AVEN: variants seen among roughly 807,000 people sequenced by gnomAD.
The protein encoded by AVEN is apoptosis and caspase activation inhibitor.
Under a neutral mutation model 38.1 loss-of-function variants are expected in AVEN, and 41 were observed. The observed-to-expected ratio is 1.08, with a 90% CI of 0.84 to 1.40. The LOEUF is 1.40. Ranked by LOEUF, AVEN falls within the 40% of genes most tolerant of loss-of-function variation. The pLI, the probability that AVEN is intolerant of heterozygous loss-of-function variation, is 0.00. For synonymous variants in AVEN, 206 were observed against 171.8 expected, an observed-to-expected ratio of 1.20 and a Z score of -1.56; for missense variants, 605 against 438.8, an observed-to-expected ratio of 1.38 and a Z score of -3.38.
intron 1 of AVEN, among the ~76,000 whole-genome samples, chr15:34,029,356 T>C (rs1444411795): frequency 6.6e-6 from 1 of 152,106 alleles, no homozygotes; most frequent in Non-Finnish European, 1.5e-5. Context: ...AATAATTCCC[T>C]TGGCTGACTA....
chr15:33,937,482 G>A (rs963785847), intron 2 of AVEN, among the ~76,000 whole-genome samples: 1 of 149,106 alleles, frequency 6.7e-6, no homozygotes, highest in South Asian at 2.1e-4. Context: ...GCAGTGAGCC[G>A]AGATCACGCC....
intron 5 of AVEN, among the ~76,000 whole-genome samples, chr15:34,054,028 A>G (rs1900040170): frequency 6.6e-6 from 1 of 152,334 alleles, no homozygotes; most frequent in African/African-American, 2.4e-5. Flanking sequence ...CTGTATGAAC[A>G]AACACTTCTC....
At chr15:33,927,070 C>T (rs980667177) in intron 2 of AVEN, among the ~76,000 whole-genome samples, 1 of 151,956 alleles carries the variant, frequency 6.6e-6, no homozygotes, top group Non-Finnish European at 1.5e-5. Context: ...CTGGCTAACA[C>T]GGTGAAACCC....
chr15:33,860,810 T>C (rs930980061), intron 11 of AVEN, among the ~76,000 whole-genome samples: 3 of 150,602 alleles, frequency 2.0e-5, no homozygotes, highest in Non-Finnish European at 4.4e-5. Context: ...CACCCTGCCA[T>C]ACCCCTGCCA....
At chr15:33,913,982 T>A (rs1881572284) in intron 2 of AVEN, among the ~76,000 whole-genome samples, 1 of 152,134 alleles carries the variant, frequency 6.6e-6, no homozygotes, top group Non-Finnish European at 1.5e-5. Context: ...AGACAACTGA[T>A]CATGTAAGCA....
intron 1 of AVEN, chr15:34,007,145 T>A (rs922443747): frequency 1.5e-6 from 1 of 664,852 alleles, no homozygotes; most frequent in Non-Finnish European, 1.9e-6. Flanking sequence ...ACTGCCGAGC[T>A]ATTATCTTGT....
intron 2 of AVEN, among the ~76,000 whole-genome samples, chr15:33,881,375 G>A (rs932132091): frequency 2.6e-5 from 4 of 151,452 alleles, no homozygotes; most frequent in Non-Finnish European, 4.4e-5. Context: ...ATGAGACACT[G>A]CATGTGGCCT....
At chr15:34,013,590 G>A (rs1897731447) in intron 1 of AVEN, among the ~76,000 whole-genome samples, 1 of 152,186 alleles carries the variant, frequency 6.6e-6, no homozygotes, top group African/African-American at 2.4e-5. Context: ...CAGGCATTGG[G>A]AATACAAAGA....
chr15:33,962,438 A>C (rs1042619213), intron 2 of AVEN, among the ~76,000 whole-genome samples: 1 of 151,982 alleles, frequency 6.6e-6, no homozygotes, highest in Non-Finnish European at 1.5e-5. Flanking sequence ...CATTCTCAAC[A>C]CTTCTCTCCC....
intron 1 of AVEN, among the ~76,000 whole-genome samples, chr15:34,038,543 C>T (rs1043075484): frequency 6.6e-6 from 1 of 151,962 alleles, no homozygotes; most frequent in Admixed American, 6.6e-5. Flanking sequence ...AGCCCTCCTA[C>T]CCCCACTGTC....
At chr15:33,978,430 G>A (rs1386492267) in intron 2 of AVEN, among the ~76,000 whole-genome samples, 9 of 152,146 alleles carry the variant, frequency 5.9e-5, no homozygotes, top group African/African-American at 7.2e-5. Context: ...TTAGGAGCCC[G>A]AGGTGGGAGG....
At chr15:33,938,877 T>C (rs1255168749) in intron 2 of AVEN, among the ~76,000 whole-genome samples, 1 of 152,170 alleles carries the variant, frequency 6.6e-6, no homozygotes, top group Non-Finnish European at 1.5e-5. Flanking sequence ...GTTTCACTCT[T>C]GTTGCCGAGG....
upstream of AVEN, among the ~76,000 whole-genome samples, chr15:34,040,921 C>A (rs141185266): frequency 6.6e-6 from 1 of 150,800 alleles, no homozygotes; most frequent in Non-Finnish European, 1.5e-5. Context: ...AAGATTTCAA[C>A]ATGAATTTTG....
intron 2 of AVEN, among the ~76,000 whole-genome samples, chr15:33,891,380 C>G (rs1891955491): frequency 6.6e-6 from 1 of 152,144 alleles, no homozygotes; most frequent in South Asian, 2.1e-4. Flanking sequence ...TATCCCTCCC[C>G]CAGTCCCCCA....
chr15:34,008,833 G>A (rs1221965337), intron 1 of AVEN, among the ~76,000 whole-genome samples: 1 of 152,042 alleles, frequency 6.6e-6, no homozygotes, highest in East Asian at 1.9e-4. Context: ...AACTTCTAGT[G>A]TATATGCAAA....
chr15:33,858,977 C>G (rs974135152), exon 12 of AVEN: 1 of 152,654 alleles, frequency 6.6e-6, no homozygotes, highest in African/African-American at 2.4e-5. Context: ...TCAGGCTGCC[C>G]CTGGCTTTTG....
chr15:33,934,204 T>C (rs577500597), intron 2 of AVEN, among the ~76,000 whole-genome samples: 1 of 110,892 alleles, frequency 9.0e-6, no homozygotes, highest in East Asian at 2.9e-4. Flanking sequence ...CAAGACCCCA[T>C]CTCTACAAAA....
At chr15:33,913,865 T>C (rs551365942) in intron 2 of AVEN, among the ~76,000 whole-genome samples, 1 of 152,128 alleles carries the variant, frequency 6.6e-6, no homozygotes, top group South Asian at 2.1e-4. Flanking sequence ...ACAATATCAA[T>C]GGATATAACC....
chr15:33,952,005 C>A (rs989778146), intron 2 of AVEN, among the ~76,000 whole-genome samples: 1 of 152,110 alleles, frequency 6.6e-6, no homozygotes, highest in African/African-American at 2.4e-5. Flanking sequence ...CCCAAGTAAG[C>A]AGAGCTCTAG....
Sources: gnomAD v4.1 joint callset for allele counts (sites outside exome capture counted in the v4.1 genomes callset) on GRCh38, gnomAD v4.1.1 for gene constraint, MANE v1.5 for transcripts, NCBI Gene and HGNC (gene_info 2026-07-23, HGNC 2026-07-21) for gene names.